Variants in DHX40 observed in about 807,000 individuals in gnomAD.
DHX40 encodes probable ATP-dependent RNA helicase DHX40.
DHX40 carries 28 observed loss-of-function variants against 89.6 expected under a neutral mutation model. The observed-to-expected ratio is 0.31, with a 90% CI of 0.23 to 0.43. DHX40 has a LOEUF of 0.43. Ranked by LOEUF, DHX40 falls within the 20% of genes least tolerant of loss-of-function variation. DHX40 has a pLI of 1.00. For missense variants in DHX40, 457 were observed against 844.0 expected, an observed-to-expected ratio of 0.54 and a Z score of 5.68; for synonymous variants, 226 against 283.6, an observed-to-expected ratio of 0.80 and a Z score of 2.04.
intron 12 of DHX40, among the ~76,000 whole-genome samples, chr17:59,596,213 G>A (rs1457615766): frequency 2.0e-5 from 3 of 152,130 alleles, no homozygotes; most frequent in Non-Finnish European, 2.9e-5. Flanking sequence ...TTTGACTTTT[G>A]GCATGATATC....
chr17:59,585,682 C>A (rs529416670), intron 10 of DHX40, among the ~76,000 whole-genome samples: 2 of 150,654 alleles, frequency 1.3e-5, no homozygotes, highest in African/African-American at 2.5e-5. Context: ...GAGATCGTGC[C>A]ATTGCACTCC....
chr17:59,574,973 G>C (rs949899949), intron 6 of DHX40, among the ~76,000 whole-genome samples: 3 of 152,214 alleles, frequency 2.0e-5, no homozygotes, highest in African/African-American at 7.2e-5. Flanking sequence ...GTGAGGGATT[G>C]TCACAATCTT....
At position 59,577,294 on chromosome 17, in the gene DHX40, A is replaced by T; in HGVS notation, c.1002A>T (p.Pro334=). ...TDQQRRIFLP[P]PPGIRKCVIS... is the part of the protein sequence containing the mutation. ...AACAGAGGAGGATATTTTTGCCACCACCACCTGGAATTAGAAAATGTGTCA... is the reference window on the plus strand; with the variant it reads ...AACAGAGGAGGATATTTTTGCCACCTCCACCTGGAATTAGAAAATGTGTCA... The change falls in exon 8 of 18, where the codon CCA becomes CCT. Residue 334 remains proline (P), a synonymous_variant. Transcript: ENST00000251241. The T allele has an allele frequency of 3.1e-6, 5 of 1,611,798 alleles. No individual in the cohort carries two copies. The highest frequency in any genetic ancestry group is 1.3e-5 in the African/African-American group (1 of 75,042).
At chr17:59,569,286 C>A (rs1043722002) in intron 2 of DHX40, among the ~76,000 whole-genome samples, 6 of 151,486 alleles carry the variant, frequency 4.0e-5, no homozygotes, top group African/African-American at 1.5e-4. Flanking sequence ...CGAGATTGTG[C>A]CACTGCACTC....
At chr17:59,577,204 CA>C (rs2048896900) in intron 7 of DHX40, 61 bp from the exon 8 acceptor site, 1 of 1,420,014 alleles carries the variant, frequency 7.0e-7, no homozygotes, top group Admixed American at 1.7e-5. Context: ...TTAAGTTCTT[CA>C]AAACTCGAGT....
chr17:59,581,800 A>G (rs1204392760), intron 10 of DHX40, among the ~76,000 whole-genome samples: 1 of 123,172 alleles, frequency 8.1e-6, no homozygotes, highest in Non-Finnish European at 1.6e-5. Context: ...AAAAAACCCC[A>G]AAACCCACAA....
chr17:59,576,782 CAT>C (rs1243283928), intron 7 of DHX40, among the ~76,000 whole-genome samples: 3 of 151,512 alleles, frequency 2.0e-5, no homozygotes, highest in East Asian at 1.9e-4. Context: ...TGTACATAGA[CAT>C]ATATTATTCT....
At chr17:59,566,252 C>T (rs1249178105) in intron 1 of DHX40, among the ~76,000 whole-genome samples, 1 of 152,168 alleles carries the variant, frequency 6.6e-6, no homozygotes, top group Non-Finnish European at 1.5e-5. Context: ...CAGGTGGCTT[C>T]TAATCCAGCT....
chr17:59,572,711 A>G (rs1289372282), intron 3 of DHX40, among the ~76,000 whole-genome samples: 1 of 152,128 alleles, frequency 6.6e-6, no homozygotes, highest in Admixed American at 6.6e-5. Flanking sequence ...AGAAGAGGAG[A>G]GAGTGGGTGG....
rs778412860 is a variant in DHX40 at position 59,573,723 on chromosome 17, A to T, written c.547-17A>T. On this transcript the variant is annotated splice_polypyrimidine_tract_variant and intron_variant, in intron 4 of 17. Coordinates refer to ENST00000251241, the MANE Select transcript of DHX40 (RefSeq NM_024612.5). ...TAAGTGTACTTGTGACTTACTAGAA[A>T]TTTACTTTTCTTTCAGGATATCTTA... 1.2e-6 allele frequency: 2 copies of T among 1,613,456 alleles called. No individual in the cohort carries two copies. The highest frequency in any genetic ancestry group is 1.7e-6 in the Non-Finnish European group (2 of 1,179,674).
At chr17:59,575,189 A>G (rs2048863781) in intron 6 of DHX40, 151 bp from the exon 7 acceptor site, 1 of 552,866 alleles carries the variant, frequency 1.8e-6, no homozygotes, top group Non-Finnish European at 2.9e-6. Flanking sequence ...TTGTTGAAAT[A>G]TGGTACAGCT....
chr17:59,607,499 T>C lies in DHX40; in HGVS notation c.*327T>C, dbSNP rs939491092. 2.1e-5 allele frequency: 12 copies of C among 573,438 alleles called. 1 individual carries two copies. The South Asian group carries it at 2.8e-4, about 13-fold the overall frequency. The allele number at this position is 573,438 out of a possible 1,614,324, so 35.5% of individuals were successfully genotyped here. ...TCATTGAGATGTTTTCAAAGAACAT[T>C]GAGTTGTATTTAATCAGCGTGTACT... On this transcript the variant is annotated 3_prime_UTR_variant, in exon 18 of 18. Transcript: ENST00000251241.
intron 10 of DHX40, among the ~76,000 whole-genome samples, chr17:59,583,603 G>A (rs1472369272): frequency 1.4e-5 from 2 of 142,506 alleles, no homozygotes; most frequent in Non-Finnish European, 3.2e-5. Context: ...TTTTTAGGCC[G>A]GGTGCGGTGG....
intron 12 of DHX40, among the ~76,000 whole-genome samples, 165 bp downstream of exon 12, chr17:59,588,218 C>G (rs551741612): frequency 5.4e-5 from 5 of 93,066 alleles, no homozygotes; most frequent in Admixed American, 2.3e-4. Flanking sequence ...CCCATCTCTA[C>G]TAAAAAAAAA....
chr17:59,594,295 A>G (rs2049121277), intron 12 of DHX40, among the ~76,000 whole-genome samples: 1 of 152,152 alleles, frequency 6.6e-6, no homozygotes, highest in African/African-American at 2.4e-5. Flanking sequence ...CAGTGCCCAG[A>G]GCATAAATTG....
chr17:59,565,863 G>C, intron 1 of DHX40, 80 bp downstream of exon 1: 1 of 1,266,096 alleles, frequency 7.9e-7, no homozygotes, highest in Non-Finnish European at 1.1e-6. Context: ...GTACGCCTTT[G>C]GCAGGCTGAG....
chr17:59,592,387 T>C (rs2143312427), intron 12 of DHX40, among the ~76,000 whole-genome samples: 1 of 148,308 alleles, frequency 6.7e-6, no homozygotes, highest in African/African-American at 2.5e-5. Context: ...TTTAGGTGTA[T>C]AATTCAATGA....
intron 10 of DHX40, among the ~76,000 whole-genome samples, chr17:59,585,443 C>T (rs1381079637): frequency 1.3e-5 from 2 of 150,612 alleles, no homozygotes; most frequent in Non-Finnish European, 2.9e-5. Context: ...CATTTTGAGG[C>T]TGGGTGCGGT....
At chr17:59,568,634 T>G (rs114836089) in intron 2 of DHX40, among the ~76,000 whole-genome samples, 78 of 152,240 alleles carry the variant, frequency 5.1e-4, no homozygotes, top group African/African-American at 1.8e-3. Flanking sequence ...TATACTGTAG[T>G]AAAACTTTTG....
Sources: allele counts gnomAD v4.1 joint callset (sites outside exome capture counted in the v4.1 genomes callset), GRCh38; gene constraint gnomAD v4.1.1; transcripts MANE v1.5; gene names NCBI Gene and HGNC (gene_info 2026-07-23, HGNC 2026-07-21).